Variants in TMEM8B observed in about 807,000 individuals in gnomAD.
The protein encoded by TMEM8B is transmembrane protein 8B, also known as nasopharyngeal carcinoma expressed 6.
TMEM8B carries 29 observed loss-of-function variants against 49.3 expected under a neutral mutation model. That is an observed-to-expected ratio of 0.59 (90% confidence interval 0.44 to 0.80). TMEM8B has a LOEUF of 0.80. TMEM8B is among the 30% of genes least tolerant of loss of function. The pLI is 0.00. For synonymous variants in TMEM8B, 264 were observed against 272.8 expected, an observed-to-expected ratio of 0.97 and a Z score of 0.32; for missense variants, 575 against 658.5, an observed-to-expected ratio of 0.87 and a Z score of 1.39.
At position 35,846,527 on chromosome 9, in the gene TMEM8B, T is replaced by A. The variant is rs1205557966; in HGVS notation, c.1912T>A (p.Cys638Ser). The change falls in exon 9 of 13, where the codon TGC becomes AGC. Residue 638 changes from cysteine (C) to serine (S), a missense_variant. Physicochemically the swap from Cys to Ser is moderately radical, Grantham distance 112. Coordinates refer to ENST00000643932, the MANE Select transcript of TMEM8B (RefSeq NM_001042590.4). Reference protein sequence around the residue: ...EVRMRTFLSPCVDDCGPYGQC... With the variant: ...EVRMRTFLSPSVDDCGPYGQC... ...GCGGATGCGCACCTTCCTGTCCCCA[T>A]GCGTGGACGACTGCGGGCCCTACGG... The A allele has an allele frequency of 7.6e-6, 12 of 1,587,630 alleles. No individual in the cohort carries two copies. Among genetic ancestry groups the A allele is most frequent in the Non-Finnish European group, 1.7e-6 (2 of 1,167,012 alleles).
intron 10 of TMEM8B, 39 bp downstream of exon 10, chr9:35,847,034 T>G: frequency 6.2e-7 from 1 of 1,614,222 alleles, no homozygotes. Flanking sequence ...TGGGTGCTTG[T>G]GCATGGTGGT....
intron 6 of TMEM8B, chr9:35,845,316 G>A: frequency 2.4e-6 from 2 of 849,026 alleles, no homozygotes; most frequent in Non-Finnish European, 2.8e-6. Flanking sequence ...TGATTTTTAA[G>A]TTTCCCTCAG....
At position 35,853,639 on chromosome 9, in the gene TMEM8B, C is replaced by T. The variant is rs1258904883; in HGVS notation, c.2574C>T (p.Tyr858=). The part of the protein sequence containing the change: ...LYAFVETRDN[Y]FYIHSIWHML... The stretch of plus-strand genomic sequence containing the variant: ...CTTTTGTGGAGACCCGGGACAACTA[C>T]TTCTACATTCACAGCATTTGGCATA... Residue 858 remains tyrosine, a synonymous_variant, in exon 13 of 13, where the codon TAC becomes TAT. Transcript: ENST00000643932. This position sits in a 1 kb window ranked among gnomAD's most constrained non-coding sequence, Gnocchi z 4.2. 2.5e-6 allele frequency: 4 copies of T among 1,614,156 alleles called. No homozygotes were observed. The highest frequency in any genetic ancestry group is 1.3e-5 in the African/African-American group (1 of 74,944).
intron 3 of TMEM8B, among the ~76,000 whole-genome samples, chr9:35,839,681 C>T (rs1830781384): frequency 6.6e-6 from 1 of 152,200 alleles, no homozygotes; most frequent in Non-Finnish European, 1.5e-5. Context: ...TGAGCCCCCA[C>T]CCTTGGGACT....
At chr9:35,847,390 A>G (rs1831709612) in intron 10 of TMEM8B, among the ~76,000 whole-genome samples, 1 of 152,190 alleles carries the variant, frequency 6.6e-6, no homozygotes. Flanking sequence ...ACCTCTGCAC[A>G]CAGTGTCTTC....
chr9:35,852,805 T>TG (rs759875277), intron 10 of TMEM8B, 22 bp from the exon 11 acceptor site: 3 of 1,614,024 alleles, frequency 1.9e-6, no homozygotes, highest in Non-Finnish European at 2.5e-6. Context: ...GTTCTCTCAA[T>TG]GCCTGTCATT....
Position 35,854,088 on chromosome 9 carries a change from C to T in TMEM8B, c.*248C>T. 1.0e-5 allele frequency: 12 copies of T among 1,196,478 alleles called. No homozygotes were observed. The highest frequency in any genetic ancestry group is 1.3e-5 in the Non-Finnish European group (12 of 952,140). The allele number at this position is 1,196,478 out of a possible 1,614,324, so 74.1% of individuals were successfully genotyped here. Reference sequence around the variant, plus strand: ...GAGCCTATGCAGGCACAGAGTCCCTCAGGACCAAGGAGTCCCTCCTGCAGG... The same window carrying T: ...GAGCCTATGCAGGCACAGAGTCCCTTAGGACCAAGGAGTCCCTCCTGCAGG... On this transcript the variant is annotated 3_prime_UTR_variant, in exon 13 of 13. Coordinates refer to ENST00000643932, the MANE Select transcript of TMEM8B (RefSeq NM_001042590.4).
At chr9:35,840,799 C>G (rs553102992) in intron 3 of TMEM8B, among the ~76,000 whole-genome samples, 1 of 152,258 alleles carries the variant, frequency 6.6e-6, no homozygotes, top group South Asian at 2.1e-4. Flanking sequence ...GATCACAGTG[C>G]TGCTGGGCTG....
rs60229855 is a variant in TMEM8B at position 35,855,399 on chromosome 9, CT to C, written c.*1570del. ...CCTTACTTAATGTTTTCTCCTGAATCTTTTTTTTTTTGAGACGGAGTTTTGC... is the reference window on the plus strand; with the variant it reads ...CCTTACTTAATGTTTTCTCCTGAATCTTTTTTTTTTGAGACGGAGTTTTGC... On this transcript the variant is annotated 3_prime_UTR_variant, in exon 13 of 13. Transcript: ENST00000643932. 0.023 allele frequency: 3,391 copies of C among 147,304 alleles called. 110 individuals carry two copies. Among genetic ancestry groups the C allele is most frequent in the African/African-American group, 0.074 (3,003 of 40,406 alleles). 9.1% of individuals were successfully genotyped at this position (147,304 alleles called of 1,614,324 possible).
Position 35,854,999 on chromosome 9 carries a change from CG to C in TMEM8B, c.*1162del, listed in dbSNP as rs1832463872. 1.3e-5 allele frequency: 2 copies of C among 152,308 alleles called. No homozygotes were observed. The highest frequency in any genetic ancestry group is 4.8e-5 in the African/African-American group (2 of 41,542). The allele number at this position is 152,308 out of a possible 1,614,324, so 9.4% of individuals were successfully genotyped here. A position where few individuals can be genotyped will look rare whatever the true frequency, so the allele number is the denominator to read the frequency against. On this transcript the variant is annotated 3_prime_UTR_variant, in exon 13 of 13. Coordinates refer to ENST00000643932, the MANE Select transcript of TMEM8B (RefSeq NM_001042590.4). ...CCAGTGTCCATACTTCATCCATCCC[CG>C]GGATTTCCATCATTCCATCTGGTCC...
rs951285445 is a variant in TMEM8B at position 35,829,847 on chromosome 9, C to A, written c.400C>A (p.Pro134Thr). Residue 134 changes from proline (P) to threonine (T), a missense_variant, in exon 1 of 13, where the codon CCT (proline) becomes ACT (threonine). Coordinates refer to ENST00000643932, the MANE Select transcript of TMEM8B (RefSeq NM_001042590.4). ...ACCCAAGTCTCTCCCTCTAGTCCCC[C>A]CTATCTCTCATACTCTGCCCCTCTC... ...CLPKSLPLVP[P>T]ISHTLPLSQP... The A allele has an allele frequency of 1.4e-5, 6 of 416,308 alleles. No homozygotes were observed. The highest frequency in any genetic ancestry group is 2.1e-5 in the African/African-American group (1 of 48,708). 25.8% of individuals were successfully genotyped at this position (416,308 alleles called of 1,614,324 possible). A position where few individuals can be genotyped will look rare whatever the true frequency, so the allele number is the denominator to read the frequency against.
chr9:35,838,028 G>T (rs1830607057), intron 3 of TMEM8B, among the ~76,000 whole-genome samples: 1 of 152,170 alleles, frequency 6.6e-6, no homozygotes, highest in Non-Finnish European at 1.5e-5. Flanking sequence ...CGAGGAAAGT[G>T]AAGAAGTCGA....
chr9:35,853,640 T>C lies in TMEM8B; in HGVS notation c.2575T>C (p.Phe859Leu), dbSNP rs756285986. The stretch of plus-strand genomic sequence containing the variant: ...TTTTGTGGAGACCCGGGACAACTAC[T>C]TCTACATTCACAGCATTTGGCATAT... ...YAFVETRDNY[F>L]YIHSIWHMLI... is the part of the protein sequence containing the mutation. Residue 859 changes from phenylalanine to leucine, a missense_variant, in exon 13 of 13, where the codon TTC (phenylalanine) becomes CTC (leucine). Coordinates refer to ENST00000643932, the MANE Select transcript of TMEM8B (RefSeq NM_001042590.4). This position sits in a 1 kb window ranked among gnomAD's most constrained non-coding sequence, Gnocchi z 4.2. 1 of 1,614,240 alleles carries C rather than the reference T, an allele frequency of 6.2e-7. No homozygotes were observed. Among genetic ancestry groups the C allele is most frequent in the South Asian group, 1.1e-5 (1 of 91,088 alleles).
Position 35,854,487 on chromosome 9 carries a change from A to AG in TMEM8B, c.*650dup, listed in dbSNP as rs34179931. 28,242 of 152,158 alleles carry AG rather than the reference A, an allele frequency of 0.19. 2,882 individuals are homozygous for AG. Among genetic ancestry groups the AG allele is most frequent in the East Asian group, 0.37 (1,924 of 5,134 alleles). 9.4% of individuals were successfully genotyped at this position (152,158 alleles called of 1,614,324 possible). ...CAGGGGTGTGGGGAAGTGGGGAAAG[A>AG]GGGCCCCTCAGGGAATCAGCAGGGC... On this transcript the variant is annotated 3_prime_UTR_variant, in exon 13 of 13. Transcript: ENST00000643932.
rs576171157 is a variant in TMEM8B at position 35,842,365 on chromosome 9, C to T, written c.1310-27C>T. ...TTCAGGACTGTAAAGGCTGCAGGCC[C>T]AAGCTCTGGTTTCCTCTGCCCCACA... On this transcript the variant is annotated intron_variant, in intron 5 of 12. Transcript: ENST00000643932. The surrounding 1 kb of genome is among the most constrained non-coding windows in gnomAD (Gnocchi z 5.6). The T allele has an allele frequency of 2.0e-6, 3 of 1,475,076 alleles. No homozygotes were observed. Among genetic ancestry groups the T allele is most frequent in the South Asian group, 2.8e-5 (2 of 71,144 alleles). 91.4% of individuals were successfully genotyped at this position (1,475,076 alleles called of 1,614,324 possible).
chr9:35,854,184 C>T lies in TMEM8B; in HGVS notation c.*344C>T. ...CCTTCCCAGGGAGACAAAGCCCTGT[C>T]AGGAGCACAGCATCTTTCCAGAGGA... On this transcript the variant is annotated 3_prime_UTR_variant, in exon 13 of 13. Coordinates refer to ENST00000643932, the MANE Select transcript of TMEM8B (RefSeq NM_001042590.4). 3.1e-6 allele frequency: 1 copy of T among 322,548 alleles called. No individual in the cohort carries two copies. The highest frequency in any genetic ancestry group is 5.0e-6 in the Non-Finnish European group (1 of 199,810). 20.0% of individuals were successfully genotyped at this position (322,548 alleles called of 1,614,324 possible). A position where few individuals can be genotyped will look rare whatever the true frequency, so the allele number is the denominator to read the frequency against.
intron 1 of TMEM8B, among the ~76,000 whole-genome samples, chr9:35,832,416 C>T (rs535893534): frequency 1.3e-5 from 2 of 152,098 alleles, no homozygotes; most frequent in Non-Finnish European, 2.9e-5. Flanking sequence ...CTCAGAACTT[C>T]TTCCAAGTTC....
chr9:35,848,426 T>G (rs1831822569), intron 10 of TMEM8B, among the ~76,000 whole-genome samples: 3 of 152,236 alleles, frequency 2.0e-5, no homozygotes, highest in Admixed American at 6.5e-5. Flanking sequence ...AGATCGAATG[T>G]GATTCATAAT....
rs4879932 is a variant in TMEM8B, at chr9:35,860,344, T to C, written c.*6504T>C. 125,040 of 152,268 alleles carry C rather than the reference T, an allele frequency of 0.82. 52,781 individuals carry two copies. The highest frequency in any genetic ancestry group is 0.94 in the Middle Eastern group (277 of 294). 9.4% of individuals were successfully genotyped at this position (152,268 alleles called of 1,614,324 possible). On this transcript the variant is annotated 3_prime_UTR_variant, in exon 13 of 13. Transcript: ENST00000643932. ...AGGAAGCATCTTTTCTACATTACGG[T>C]TTCATGTGACCAAATTATGGCCATA...
Sources: gnomAD v4.1 joint callset for allele counts (sites outside exome capture counted in the v4.1 genomes callset) on GRCh38, gnomAD v4.1.1 for gene constraint, Gnocchi (gnomAD v3.1) non-coding constraint, MANE v1.5 for transcripts, NCBI Gene and HGNC (gene_info 2026-07-23, HGNC 2026-07-21) for gene names.